NCAPD3: variants seen among roughly 807,000 people sequenced by gnomAD.
The protein encoded by NCAPD3 is non-SMC condensin II complex subunit D3, also known as condensin-2 complex subunit D3.
Under a neutral mutation model 182.9 loss-of-function variants are expected in NCAPD3, and 105 were observed. The ratio of observed to expected loss-of-function variants is 0.57; its 90% CI spans 0.49 to 0.68. The LOEUF is 0.68. NCAPD3 is among the 30% of genes least tolerant of loss of function. NCAPD3 has a pLI of 0.00. For missense variants in NCAPD3, 1,944 were observed against 1,837.0 expected, an observed-to-expected ratio of 1.06 and a Z score of -1.07; for synonymous variants, 815 against 679.9, an observed-to-expected ratio of 1.20 and a Z score of -3.09.
rs1366094334 is a variant in NCAPD3 at position 134,152,911 on chromosome 11, C to A, written c.*33G>T. The A allele has an allele frequency of 6.7e-7, 1 of 1,486,446 alleles. No homozygotes were observed. The highest frequency in any genetic ancestry group is 1.3e-5 in the South Asian group (1 of 74,418). 92.1% of individuals were successfully genotyped at this position (1,486,446 alleles called of 1,614,324 possible). ...ACACGAGACTGCTTCCTCAAGGGCTCCTGCCTGCCTGGACACTGGTGGGAG... is the reference window on the plus strand; with the variant it reads ...ACACGAGACTGCTTCCTCAAGGGCTACTGCCTGCCTGGACACTGGTGGGAG... On this transcript the variant is annotated 3_prime_UTR_variant, in exon 35 of 35. Coordinates refer to ENST00000534548, the MANE Select transcript of NCAPD3 (RefSeq NM_015261.3).
chr11:134,164,904 C>T (rs1326152746), intron 27 of NCAPD3, among the ~76,000 whole-genome samples: 1 of 150,728 alleles, frequency 6.6e-6, no homozygotes, highest in African/African-American at 2.4e-5. Context: ...TTAGGGGGAG[C>T]TGCACACTCA....
chr11:134,213,488 T>C (rs1439407618), intron 3 of NCAPD3, among the ~76,000 whole-genome samples: 1 of 152,010 alleles, frequency 6.6e-6, no homozygotes, highest in Non-Finnish European at 1.5e-5. Flanking sequence ...CGGCTAATTT[T>C]TGTATTTTTA....
In NCAPD3 at chr11:134,177,205, A is replaced by AC. The variant is rs758702872; in HGVS notation, c.3021+13dup. The AC allele has an allele frequency of 5.1e-6, 8 of 1,582,920 alleles. No individual in the cohort carries two copies. The highest frequency in any genetic ancestry group is 2.2e-5 in the East Asian group (1 of 44,704). ...TGGTGAAGGGGAAAGGACAGATTGAACCCCCCTACGCACCTGCAAGAGATT... is the reference window on the plus strand; with the variant it reads ...TGGTGAAGGGGAAAGGACAGATTGAACCCCCCCTACGCACCTGCAAGAGATT... On this transcript the variant is annotated intron_variant, in intron 23 of 34. Transcript: ENST00000534548.
chr11:134,208,777 T>C lies in NCAPD3; in HGVS notation c.882+87A>G, dbSNP rs1440775133. 3.6e-6 allele frequency: 3 copies of C among 839,030 alleles called. No homozygotes were observed. In the African/African-American group the frequency reaches 5.1e-5, roughly 14 times the overall value. 52.0% of individuals were successfully genotyped at this position (839,030 alleles called of 1,614,324 possible). A position where few individuals can be genotyped will look rare whatever the true frequency, so the allele number is the denominator to read the frequency against. ...GAGCTAGTAAATTGAAATGGCATTA[T>C]ATCAAATGCTTTTAACATATTTCCA... On this transcript the variant is annotated intron_variant, in intron 7 of 34. Transcript: ENST00000534548.
chr11:134,166,748 G>A lies in NCAPD3; in HGVS notation c.3573+1248C>T, dbSNP rs537309073. ...ACTCACTTGTGAGATGAGCTTGGGGGAGGCGCACACTCGTGAGATGAGCTT... is the reference window on the plus strand; with the variant it reads ...ACTCACTTGTGAGATGAGCTTGGGGAAGGCGCACACTCGTGAGATGAGCTT... On this transcript the variant is annotated intron_variant, in intron 27 of 34. Transcript: ENST00000534548. Among the ~76,000 whole-genome samples the A allele has an allele frequency of 1.3e-3, 160 of 123,796 alleles. 3 individuals carry two copies. The highest frequency in any genetic ancestry group is 0.013 in the South Asian group (41 of 3,204). 81.2% of individuals were successfully genotyped at this position (123,796 alleles called of 152,430 possible). A position where few individuals can be genotyped will look rare whatever the true frequency, so the allele number is the denominator to read the frequency against.
intron 32 of NCAPD3, among the ~76,000 whole-genome samples, chr11:134,156,458 C>T (rs1298235292): frequency 1.3e-5 from 2 of 152,200 alleles, no homozygotes; most frequent in African/African-American, 4.8e-5. Context: ...ATGAAGCTAT[C>T]ACACAAGATA....
chr11:134,198,612 T>C (rs1304515570), intron 13 of NCAPD3, among the ~76,000 whole-genome samples: 1 of 152,072 alleles, frequency 6.6e-6, no homozygotes, highest in Non-Finnish European at 1.5e-5. Context: ...TGTCAACAAA[T>C]AGGTAAGAAA....
At chr11:134,201,883 A>G (rs1185405668) in intron 13 of NCAPD3, among the ~76,000 whole-genome samples, 4 of 152,258 alleles carry the variant, frequency 2.6e-5, no homozygotes, top group Non-Finnish European at 4.4e-5. Context: ...GCTAATATCT[A>G]GCCTCCTGAA....
At chr11:134,212,053 C>T (rs1003630811) in intron 3 of NCAPD3, among the ~76,000 whole-genome samples, 21 of 151,930 alleles carry the variant, frequency 1.4e-4, no homozygotes, top group African/African-American at 4.6e-4. Flanking sequence ...ATAGATAATC[C>T]CACCAAAAAG....
At chr11:134,225,359 C>G (rs1166634898), upstream of NCAPD3, 1 of 1,612,598 alleles carries the variant, frequency 6.2e-7, no homozygotes, top group East Asian at 2.2e-5. Flanking sequence ...AGTCGACCCC[C>G]GGGACCCCCT....
intron 16 of NCAPD3, among the ~76,000 whole-genome samples, chr11:134,186,444 C>T (rs1359834669): frequency 6.6e-6 from 1 of 152,194 alleles, no homozygotes; most frequent in African/African-American, 2.4e-5. Context: ...AACTTCTGGG[C>T]TCAAGCCATC....
chr11:134,224,768 C>G (rs1039383069), upstream of NCAPD3: 1 of 152,568 alleles, frequency 6.6e-6, no homozygotes, highest in Non-Finnish European at 1.5e-5. Context: ...GCAGGCCACC[C>G]ACACCCGGCT....
At position 134,203,747 on chromosome 11, in the gene NCAPD3, T is replaced by C. The variant is rs558479114; in HGVS notation, c.1375A>G (p.Thr459Ala). ...CTGGACAGTGCCTTGCTGCGGACAG[T>C]AGGCGCCTTGTCTAAGCAACGATCA... ...MFDRCLDKAP[T>A]VRSKALSSFA... The change falls in exon 11 of 35, where the codon ACT becomes GCT. Residue 459 changes from threonine (T) to alanine (A), a missense_variant. Coordinates refer to ENST00000534548, the MANE Select transcript of NCAPD3 (RefSeq NM_015261.3). 1.6e-5 allele frequency: 26 copies of C among 1,614,162 alleles called. No homozygotes were observed. The East Asian group carries it at 5.1e-4, about 32-fold the overall frequency.
intron 19 of NCAPD3, among the ~76,000 whole-genome samples, chr11:134,181,900 TC>T (rs1243184983): frequency 6.6e-6 from 1 of 152,154 alleles, no homozygotes; most frequent in African/African-American, 2.4e-5. Context: ...TGCACGCACC[TC>T]CCCCACTCCT....
At position 134,185,356 on chromosome 11, in the gene NCAPD3, T is replaced by C. The variant is rs1944381729; in HGVS notation, c.2216A>G (p.Gln739Arg). The change falls in exon 17 of 35, where the codon CAA (glutamine) becomes CGA (arginine). Residue 739 changes from glutamine to arginine, a missense_variant. By Grantham distance (43) the Gln-to-Arg change is conservative. Transcript: ENST00000534548. Reference protein sequence around the residue: ...SPRLDYSRIIQSWEKISSQQN... With the variant: ...SPRLDYSRIIRSWEKISSQQN... ...AAACCTGCTGATTTTCTCCCAAGAT[T>C]GTATTATTCTGCTGTAGTCCAGCCT... is the stretch of plus-strand genomic sequence containing the variant. 2.5e-6 allele frequency: 4 copies of C among 1,606,612 alleles called. No homozygotes were observed. The highest frequency in any genetic ancestry group is 3.4e-6 in the Non-Finnish European group (4 of 1,177,760).
intron 19 of NCAPD3, among the ~76,000 whole-genome samples, chr11:134,184,213 G>A (rs1944351951): frequency 6.6e-6 from 1 of 152,226 alleles, no homozygotes; most frequent in African/African-American, 2.4e-5. Context: ...ATAGTAACAG[G>A]ACAGGCATGT....
intron 24 of NCAPD3, among the ~76,000 whole-genome samples, chr11:134,174,002 A>T (rs989394144): frequency 3.3e-5 from 5 of 151,946 alleles, no homozygotes; most frequent in Non-Finnish European, 7.4e-5. Context: ...AACAAAAACA[A>T]AACCCAGAAC....
At chr11:134,186,857 G>T (rs1330701248) in intron 16 of NCAPD3, among the ~76,000 whole-genome samples, 1 of 152,144 alleles carries the variant, frequency 6.6e-6, no homozygotes, top group Non-Finnish European at 1.5e-5. Flanking sequence ...TCCATCCACA[G>T]ATGTCAAGTC....
intron 24 of NCAPD3, among the ~76,000 whole-genome samples, chr11:134,174,158 A>C (rs1010516565): frequency 3.3e-5 from 5 of 152,016 alleles, no homozygotes; most frequent in African/African-American, 1.2e-4. Flanking sequence ...TGGAAGGCCG[A>C]GGTGGGTAGA....
Sources: gnomAD v4.1 joint callset for allele counts (sites outside exome capture counted in the v4.1 genomes callset) on GRCh38, gnomAD v4.1.1 for gene constraint, MANE v1.5 for transcripts, NCBI Gene and HGNC (gene_info 2026-07-23, HGNC 2026-07-21) for gene names.